SEMA3C: variants seen among roughly 807,000 people sequenced by gnomAD.
SEMA3C encodes the protein semaphorin 3C, also known as semaphorin-3C.
In SEMA3C, 47 loss-of-function variants were observed where a neutral mutation model predicts 89.4. The observed-to-expected ratio is 0.53, with a 90% CI of 0.42 to 0.67. The LOEUF is 0.67. Ranked by LOEUF, SEMA3C falls within the 30% of genes least tolerant of loss-of-function variation. SEMA3C has a pLI of 0.00. For missense variants in SEMA3C, 839 were observed against 929.1 expected (o/e 0.90, Z 1.26); for synonymous variants, 310 against 320.2 (o/e 0.97, Z 0.34).
intron 2 of SEMA3C, among the ~76,000 whole-genome samples, chr7:80,849,155 A>C (rs982119086): frequency 1.3e-5 from 2 of 152,192 alleles, no homozygotes; most frequent in Non-Finnish European, 2.9e-5. Flanking sequence ...ATGAGTGGAT[A>C]ATTGCTTAAT....
intron 2 of SEMA3C, among the ~76,000 whole-genome samples, chr7:80,880,134 T>C (rs562481020): frequency 6.6e-6 from 1 of 152,256 alleles, no homozygotes; most frequent in Admixed American, 6.5e-5. Context: ...CTTGGTTAAG[T>C]CCCTTATTCC....
At chr7:80,750,473 T>TATATAGACACACACAC (rs869227686) in intron 16 of SEMA3C, among the ~76,000 whole-genome samples, 1 of 55,436 alleles carries the variant, frequency 1.8e-5, no homozygotes, top group Admixed American at 2.2e-4. Flanking sequence ...TATATATATA[T>TATATAGACACACACAC]ACACACACAC....
chr7:80,824,458 T>C (rs902810551), intron 4 of SEMA3C, among the ~76,000 whole-genome samples: 8 of 151,954 alleles, frequency 5.3e-5, no homozygotes, highest in East Asian at 1.9e-4. Flanking sequence ...CGGAAGATAA[T>C]TGAAGGAAAA....
At chr7:80,921,822 G>A (rs1792414354), upstream of SEMA3C, among the ~76,000 whole-genome samples, 2 of 152,164 alleles carry the variant, frequency 1.3e-5, no homozygotes, top group South Asian at 4.2e-4. Flanking sequence ...AATATTTTAT[G>A]TTTTTGATGG....
chr7:80,810,848 A>C, intron 5 of SEMA3C, 147 bp from the exon 6 acceptor site: 1 of 637,518 alleles, frequency 1.6e-6, no homozygotes, highest in Non-Finnish European at 2.8e-6. Context: ...ATTAAGATTT[A>C]CTCAAACTAT....
intron 2 of SEMA3C, among the ~76,000 whole-genome samples, chr7:80,841,903 C>T (rs1790278054): frequency 6.6e-6 from 1 of 152,144 alleles, no homozygotes; most frequent in Non-Finnish European, 1.5e-5. Flanking sequence ...AGCCAAGTTA[C>T]TACATTTGGC....
chr7:80,763,976 A>G (rs1281415721), intron 13 of SEMA3C, among the ~76,000 whole-genome samples: 1 of 152,250 alleles, frequency 6.6e-6, no homozygotes, highest in African/African-American at 2.4e-5. Context: ...AGCATTAAAA[A>G]TTACAAATTT....
intron 2 of SEMA3C, among the ~76,000 whole-genome samples, chr7:80,861,005 T>C (rs150990376): frequency 6.6e-6 from 1 of 152,304 alleles, no homozygotes; most frequent in East Asian, 1.9e-4. Flanking sequence ...AGAAATAATA[T>C]GGATTTTCAC....
intron 15 of SEMA3C, among the ~76,000 whole-genome samples, chr7:80,756,396 G>A (rs922129606): frequency 6.6e-6 from 1 of 151,762 alleles, no homozygotes; most frequent in East Asian, 1.9e-4. Flanking sequence ...GACGAAGACA[G>A]TAGCCTCCTG....
At chr7:80,891,424 C>T (rs533737858) in intron 2 of SEMA3C, among the ~76,000 whole-genome samples, 2 of 152,144 alleles carry the variant, frequency 1.3e-5, no homozygotes, top group East Asian at 3.9e-4. Flanking sequence ...AAGAGCTTAT[C>T]TTCTCCATCC....
Position 80,823,881 on chromosome 7 carries a change from G to T in SEMA3C, c.327+3544C>A, listed in dbSNP as rs556323268. ...AGTATGAATAAAATATTAACATTTA[G>T]AAATAAATGGAGCATGTAGGAATGT... On this transcript the variant is annotated intron_variant, in intron 4 of 17. Coordinates refer to ENST00000265361, the MANE Select transcript of SEMA3C (RefSeq NM_006379.5). 5.4e-4 allele frequency among the ~76,000 whole-genome samples: 82 copies of T among 152,198 alleles called. 2 individuals carry two copies. The South Asian group carries it at 0.017, about 31-fold the overall frequency.
intron 2 of SEMA3C, among the ~76,000 whole-genome samples, chr7:80,879,430 A>T (rs1174048503): frequency 1.3e-5 from 2 of 152,132 alleles, no homozygotes; most frequent in African/African-American, 4.8e-5. Flanking sequence ...GGTAAGGGGC[A>T]AGAGAGATGT....
chr7:80,784,815 T>G (rs1788766195), intron 12 of SEMA3C, among the ~76,000 whole-genome samples: 1 of 152,148 alleles, frequency 6.6e-6, no homozygotes, highest in African/African-American at 2.4e-5. Flanking sequence ...TCATGAGATA[T>G]TCTGCTTTTT....
chr7:80,790,750 A>T (rs1419406049), intron 11 of SEMA3C, among the ~76,000 whole-genome samples: 1 of 152,110 alleles, frequency 6.6e-6, no homozygotes, highest in African/African-American at 2.4e-5. Context: ...ATTTTTCTTC[A>T]CAGCCCTATT....
At chr7:80,911,710 T>C (rs943961227) in intron 2 of SEMA3C, among the ~76,000 whole-genome samples, 7 of 151,512 alleles carry the variant, frequency 4.6e-5, no homozygotes, top group Non-Finnish European at 1.0e-4. Flanking sequence ...CTCGACTCAC[T>C]GCAAGCTCTG....
At chr7:80,889,795 T>C (rs1440289330) in intron 2 of SEMA3C, among the ~76,000 whole-genome samples, 1 of 152,178 alleles carries the variant, frequency 6.6e-6, no homozygotes, top group Non-Finnish European at 1.5e-5. Context: ...CCTAATGATA[T>C]AAATTTGTTT....
At chr7:80,895,951 T>G (rs574242940) in intron 2 of SEMA3C, among the ~76,000 whole-genome samples, 2 of 152,210 alleles carry the variant, frequency 1.3e-5, no homozygotes, top group Admixed American at 6.5e-5. Flanking sequence ...TTGTAGTTGC[T>G]CCTTAATTTG....
At chr7:80,798,436 T>C (rs1789119012) in intron 10 of SEMA3C, among the ~76,000 whole-genome samples, 200 bp from the exon 11 acceptor site, 1 of 152,154 alleles carries the variant, frequency 6.6e-6, no homozygotes, top group South Asian at 2.1e-4. Context: ...AATTCATCCA[T>C]GGAGTCAGTA....
In SEMA3C at chr7:80,743,640, T is replaced by C. The variant is rs887787121; in HGVS notation, c.*1254A>G. 8 of 151,902 alleles carry C rather than the reference T, an allele frequency of 5.3e-5. No homozygotes were observed. Among genetic ancestry groups the C allele is most frequent in the African/African-American group, 1.7e-4 (7 of 41,430 alleles). The allele number at this position is 151,902 out of a possible 1,614,324, so 9.4% of individuals were successfully genotyped here. The stretch of plus-strand genomic sequence containing the variant: ...TTATTTGGAGAAAATAATTTCAGTA[T>C]GAAATTATTCTAATAAAATTATTCT... On this transcript the variant is annotated 3_prime_UTR_variant, in exon 18 of 18. Coordinates refer to ENST00000265361, the MANE Select transcript of SEMA3C (RefSeq NM_006379.5).
Sources: allele counts gnomAD v4.1 joint callset (sites outside exome capture counted in the v4.1 genomes callset), GRCh38; gene constraint gnomAD v4.1.1; transcripts MANE v1.5; gene names NCBI Gene and HGNC (gene_info 2026-07-23, HGNC 2026-07-21).